EVC2: variants seen among roughly 807,000 people sequenced by gnomAD.
EVC2 encodes the protein limbin.
In EVC2, 148 loss-of-function variants were observed where a neutral mutation model predicts 149.3. The ratio of observed to expected loss-of-function variants is 0.99; its 90% confidence interval spans 0.87 to 1.14. The LOEUF (loss-of-function observed/expected upper bound fraction) is 1.14. Ranked by LOEUF, EVC2 falls within the 50% of genes most tolerant of loss-of-function variation. The pLI, the probability that EVC2 is intolerant of heterozygous loss-of-function variation, is 0.00. For synonymous variants in EVC2, 776 were observed against 649.9 expected, an observed-to-expected ratio of 1.19 and a Z score of -2.95; for missense variants, 1,854 against 1,627.3, an observed-to-expected ratio of 1.14 and a Z score of -2.40.
chr4:5,650,669 A>AGAGAGAGAGAGC (rs1384318671), intron 9 of EVC2, among the ~76,000 whole-genome samples: 2 of 139,626 alleles, frequency 1.4e-5, no homozygotes, highest in Non-Finnish European at 3.1e-5. Flanking sequence ...AGAGAGAGAG[A>AGAGAGAGAGAGC]GAGCCATTTA....
Position 5,640,591 on chromosome 4 carries a change from T to C in EVC2, c.1393A>G (p.Lys465Glu), listed in dbSNP as rs1717253233. 4 of 1,614,058 alleles carry C rather than the reference T, an allele frequency of 2.5e-6. No homozygotes were observed. Among genetic ancestry groups the C allele is most frequent in the Admixed American group, 1.7e-5 (1 of 60,010 alleles). ...TAECDLETRKKMENQYQREMM... is the reference protein window; with the variant it reads ...TAECDLETRKEMENQYQREMM... ...TCTCTCTGGTACTGGTTTTCCATCTTCTTTCTTGTTTCCAGGTCACATTCA... is the reference window on the plus strand; with the variant it reads ...TCTCTCTGGTACTGGTTTTCCATCTCCTTTCTTGTTTCCAGGTCACATTCA... The change falls in exon 10 of 22, where the codon AAG (lysine) becomes GAG (glutamate). Residue 465 changes from lysine to glutamate, a missense_variant. Coordinates refer to ENST00000344408, the MANE Select transcript of EVC2 (RefSeq NM_147127.5). This position sits in a 1 kb window ranked among gnomAD's most constrained non-coding sequence, Gnocchi z 4.6.
intron 19 of EVC2, among the ~76,000 whole-genome samples, chr4:5,568,860 C>T (rs185228785): frequency 1.4e-4 from 22 of 152,284 alleles, no homozygotes; most frequent in African/African-American, 3.8e-4. Context: ...CCATCCATCC[C>T]GTCCAACTGC....
chr4:5,605,622 G>A (rs1714333301), intron 16 of EVC2, among the ~76,000 whole-genome samples: 1 of 152,244 alleles, frequency 6.6e-6, no homozygotes, highest in African/African-American at 2.4e-5. Flanking sequence ...TCGCTCAGAT[G>A]TTGAAGCAAG....
intron 16 of EVC2, among the ~76,000 whole-genome samples, chr4:5,586,855 A>G (rs1560142063): frequency 6.6e-6 from 1 of 152,114 alleles, no homozygotes; most frequent in Non-Finnish European, 1.5e-5. Context: ...GCTGTGCCCC[A>G]ACCACCTTGG....
At chr4:5,660,555 T>C (rs1390446673) in intron 9 of EVC2, among the ~76,000 whole-genome samples, 1 of 152,094 alleles carries the variant, frequency 6.6e-6, no homozygotes, top group African/African-American at 2.4e-5. Context: ...GCTTCCCAGA[T>C]CTCCCATTTT....
At chr4:5,630,091 T>C (rs1306349320) in intron 11 of EVC2, among the ~76,000 whole-genome samples, 1 of 152,202 alleles carries the variant, frequency 6.6e-6, no homozygotes, top group African/African-American at 2.4e-5. Context: ...TACCAAGCTA[T>C]GAATATGACA....
At chr4:5,591,234 C>A (rs879311071) in intron 16 of EVC2, among the ~76,000 whole-genome samples, 1 of 152,158 alleles carries the variant, frequency 6.6e-6, no homozygotes, top group African/African-American at 2.4e-5. Flanking sequence ...ATTCCTGTTT[C>A]CTTTGCCCCT....
At chr4:5,689,036 G>A (rs1289781847) in intron 5 of EVC2, 121 bp downstream of exon 5, 4 of 1,070,346 alleles carry the variant, frequency 3.7e-6, no homozygotes, top group African/African-American at 1.5e-5. Flanking sequence ...CCACTGTGAG[G>A]ATTAGGAGAG....
intron 10 of EVC2, among the ~76,000 whole-genome samples, chr4:5,638,484 C>G (rs534491347): frequency 2.1e-4 from 32 of 152,036 alleles, no homozygotes; most frequent in African/African-American, 5.8e-4. Flanking sequence ...ACAGTGCATT[C>G]AATACATTCT....
Position 5,686,096 on chromosome 4 carries a change from ACACAC to A in EVC2, c.707-622_707-618del, listed in dbSNP as rs1560224715. Among the ~76,000 whole-genome samples, 1 of 54,480 alleles carries A rather than the reference ACACAC, an allele frequency of 1.8e-5. No individual in the cohort carries two copies. The highest frequency in any genetic ancestry group is 1.3e-3 in the East Asian group (1 of 750). 35.7% of individuals were successfully genotyped at this position (54,480 alleles called of 152,430 possible). A position where few individuals can be genotyped will look rare whatever the true frequency, so the allele number is the denominator to read the frequency against. Reference sequence around the variant, plus strand: ...ACATATATACACACACATATATATTACACACACACACACACACACACACACACACA... The same window carrying A: ...ACATATATACACACACATATATATTAACACACACACACACACACACACACA... On this transcript the variant is annotated intron_variant, in intron 5 of 21. Transcript: ENST00000344408. This position sits in a 1 kb window ranked among gnomAD's most constrained non-coding sequence, Gnocchi z 5.4.
In EVC2 at chr4:5,625,899, G is replaced by T. The variant is rs779707723; in HGVS notation, c.1896C>A (p.Tyr632Ter). ...GCATTTCCATTTGGTCTTCATCCAG[G>T]TACCCTGCTCTAGATGGAAAGGATG... is the stretch of plus-strand genomic sequence containing the variant. The part of the protein sequence containing the change: ...HLIQKHERAG[Y>*]LDEDQMEMLL... Residue 632 changes from tyrosine to a stop codon, truncating the protein, a stop_gained, in exon 13 of 22, where the codon TAC (tyrosine) becomes TAA (stop). Coordinates refer to ENST00000344408, the MANE Select transcript of EVC2 (RefSeq NM_147127.5). LOFTEE classifies it high-confidence loss of function. The surrounding 1 kb of genome is among the most constrained non-coding windows in gnomAD (Gnocchi z 4.0). 2 of 1,613,932 alleles carry T rather than the reference G, an allele frequency of 1.2e-6. No individual in the cohort carries two copies. Among genetic ancestry groups the T allele is most frequent in the East Asian group, 4.5e-5 (2 of 44,868 alleles).
upstream of EVC2, chr4:5,708,831 G>A: frequency 3.8e-6 from 1 of 266,352 alleles, no homozygotes; most frequent in South Asian, 1.5e-4. Flanking sequence ...CCGCCTACCT[G>A]GGTCTGTAAG....
intron 16 of EVC2, among the ~76,000 whole-genome samples, chr4:5,597,164 C>G (rs899408212): frequency 2.6e-5 from 4 of 152,166 alleles, no homozygotes; most frequent in Non-Finnish European, 5.9e-5. Flanking sequence ...CCATTCCTTT[C>G]TGAAACTATT....
intron 16 of EVC2, among the ~76,000 whole-genome samples, chr4:5,593,975 G>A (rs545601099): frequency 2.7e-4 from 41 of 152,306 alleles, no homozygotes; most frequent in African/African-American, 7.5e-4. Flanking sequence ...TTGCTAGCAC[G>A]GCAGTCTGAC....
rs71171411 is a variant in EVC2 at position 5,686,127 on chromosome 4, C to CACACACACATAT, written c.707-649_707-648insATATGTGTGTGT. Among the ~76,000 whole-genome samples the CACACACACATAT allele has an allele frequency of 0.096, 14,297 of 149,538 alleles. 811 individuals are homozygous for CACACACACATAT. Among genetic ancestry groups the CACACACACATAT allele is most frequent in the Middle Eastern group, 0.17 (48 of 288 alleles). On this transcript the variant is annotated intron_variant, in intron 5 of 21. Coordinates refer to ENST00000344408, the MANE Select transcript of EVC2 (RefSeq NM_147127.5). This position sits in a 1 kb window ranked among gnomAD's most constrained non-coding sequence, Gnocchi z 5.4. ...ACACACACACACACACACACACACA[C>CACACACACATAT]AGAGTAAAGAAAAGAGGAGGAACGC...
the EVC2 span, among the ~76,000 whole-genome samples, chr4:5,530,046 C>T: frequency 3.3e-5 from 5 of 152,302 alleles, no homozygotes; most frequent in Admixed American, 6.5e-5. Flanking sequence ...GAACTCCCGA[C>T]CTCAGGTGAT....
At chr4:5,661,156 A>C (rs1718850498) in intron 9 of EVC2, among the ~76,000 whole-genome samples, 1 of 152,204 alleles carries the variant, frequency 6.6e-6, no homozygotes, top group Admixed American at 6.5e-5. Flanking sequence ...CTAGAATAAA[A>C]AAAGTTTCCT....
chr4:5,635,471 G>C lies in EVC2; in HGVS notation c.1471-3439C>G, dbSNP rs899660289. On this transcript the variant is annotated intron_variant, in intron 10 of 21. Coordinates refer to ENST00000344408, the MANE Select transcript of EVC2 (RefSeq NM_147127.5). ...TAGAAAAGCAAGTGTCCCCTGGAGG[G>C]AGTGTCCCATGGAGGGAGTAGGGGG... Among the ~76,000 whole-genome samples the C allele has an allele frequency of 2.2e-5, 3 of 135,092 alleles. No homozygotes were observed. The East Asian group carries it at 5.8e-4, about 26-fold the overall frequency. The allele number at this position is 135,092 out of a possible 152,430, so 88.6% of individuals were successfully genotyped here.
At chr4:5,594,282 T>C (rs936297248) in intron 16 of EVC2, among the ~76,000 whole-genome samples, 28 of 152,326 alleles carry the variant, frequency 1.8e-4, no homozygotes, top group African/African-American at 6.3e-4. Flanking sequence ...AGTGGGTGCC[T>C]GACCCCTGAC....
Sources: gnomAD v4.1 joint callset for allele counts (sites outside exome capture counted in the v4.1 genomes callset) on GRCh38, gnomAD v4.1.1 for gene constraint, Gnocchi (gnomAD v3.1) non-coding constraint, MANE v1.5 for transcripts, NCBI Gene and HGNC (gene_info 2026-07-23, HGNC 2026-07-21) for gene names.